Variants in LDLRAD3 observed in about 807,000 individuals in gnomAD.
LDLRAD3 encodes the protein low density lipoprotein receptor class A domain containing 3.
LDLRAD3 carries 20 observed loss-of-function variants against 29.4 expected under a neutral mutation model. The ratio of observed to expected loss-of-function variants is 0.68; its 90% CI spans 0.48 to 0.99. The LOEUF is 0.99. Ranked by LOEUF, LDLRAD3 falls within the 50% of genes least tolerant of loss-of-function variation. The pLI is 0.00. For missense variants in LDLRAD3, 420 were observed against 454.3 expected (o/e 0.92, Z 0.69); for synonymous variants, 157 against 192.7 (o/e 0.81, Z 1.53).
At chr11:36,048,248 T>C (rs1178096125) in intron 2 of LDLRAD3, among the ~76,000 whole-genome samples, 3 of 152,182 alleles carry the variant, frequency 2.0e-5, no homozygotes, top group Non-Finnish European at 4.4e-5. Flanking sequence ...AATTAGCACC[T>C]CCTCTTCCCT....
intron 3 of LDLRAD3, among the ~76,000 whole-genome samples, chr11:36,090,532 G>A (rs377581642): frequency 2.6e-5 from 4 of 152,136 alleles, no homozygotes; most frequent in Non-Finnish European, 5.9e-5. Flanking sequence ...CTTGTTCCCC[G>A]GAAAAGGCAG....
intron 1 of LDLRAD3, among the ~76,000 whole-genome samples, chr11:36,013,567 C>A (rs573878358): frequency 6.9e-6 from 1 of 144,858 alleles, no homozygotes; most frequent in African/African-American, 2.6e-5. Flanking sequence ...GTTTGGTTTT[C>A]TGTTCCTGTG....
At chr11:36,080,313 G>T (rs927119122) in intron 2 of LDLRAD3, among the ~76,000 whole-genome samples, 2 of 152,170 alleles carry the variant, frequency 1.3e-5, no homozygotes, top group African/African-American at 4.8e-5. Flanking sequence ...TACCCCACAG[G>T]GCTGTTTGTT....
At chr11:35,989,085 C>T (rs1851654803) in intron 1 of LDLRAD3, 2 of 152,110 alleles carry the variant, frequency 1.3e-5, no homozygotes, top group South Asian at 4.1e-4. Flanking sequence ...CATTCTTCTG[C>T]TTATAGCTAG....
intron 4 of LDLRAD3, among the ~76,000 whole-genome samples, chr11:36,132,801 A>T (rs902755692): frequency 2.6e-5 from 4 of 152,188 alleles, no homozygotes; most frequent in African/African-American, 9.7e-5. Flanking sequence ...TAACGCACTC[A>T]TAAGTAACGT....
chr11:36,120,286 T>A (rs917963172), intron 4 of LDLRAD3, among the ~76,000 whole-genome samples: 4 of 152,168 alleles, frequency 2.6e-5, no homozygotes, highest in Non-Finnish European at 5.9e-5. Flanking sequence ...AGATCTCTTC[T>A]TCACTGAGTG....
intron 4 of LDLRAD3, among the ~76,000 whole-genome samples, chr11:36,122,305 A>T (rs563523656): frequency 6.6e-6 from 1 of 152,252 alleles, no homozygotes; most frequent in African/African-American, 2.4e-5. Flanking sequence ...CAGAGTGGTC[A>T]AGGATTTGGA....
At chr11:36,188,688 T>C (rs1192985394) in intron 4 of LDLRAD3, among the ~76,000 whole-genome samples, 1 of 152,206 alleles carries the variant, frequency 6.6e-6, no homozygotes, top group African/African-American at 2.4e-5. Context: ...GCTTACTCTC[T>C]GCTGAGGGTA....
intron 1 of LDLRAD3, among the ~76,000 whole-genome samples, chr11:35,952,932 C>G (rs1422018703): frequency 6.6e-6 from 1 of 152,130 alleles, no homozygotes; most frequent in African/African-American, 2.4e-5. Context: ...CAGAAAGAAA[C>G]TAGAAATAAT....
intron 4 of LDLRAD3, among the ~76,000 whole-genome samples, chr11:36,134,151 A>G (rs1853970788): frequency 6.6e-6 from 1 of 152,124 alleles, no homozygotes; most frequent in East Asian, 1.9e-4. Context: ...TACCTCCTAC[A>G]AGGCAAAAAT....
rs1367176536 is a variant in LDLRAD3 at position 36,182,889 on chromosome 11, GT to G, written c.455-44194del. Among the ~76,000 whole-genome samples the G allele has an allele frequency of 2.6e-5, 4 of 152,308 alleles. No homozygotes were observed. In the East Asian group the frequency reaches 7.7e-4, roughly 29 times the overall value. On this transcript the variant is annotated intron_variant, in intron 4 of 5. Coordinates refer to ENST00000315571, the MANE Select transcript of LDLRAD3 (RefSeq NM_174902.4). ...TTAATAATGCAAGCTTTTGGTTTTT[GT>G]TAAACACATGCAGAGCCTGATATTA... is the stretch of plus-strand genomic sequence containing the variant.
chr11:36,089,604 A>C (rs549148812), intron 3 of LDLRAD3, among the ~76,000 whole-genome samples: 1 of 151,926 alleles, frequency 6.6e-6, no homozygotes, highest in East Asian at 1.9e-4. Flanking sequence ...ATTTTTGCCC[A>C]ATACATATGT....
chr11:36,068,737 C>G (rs12799443), intron 2 of LDLRAD3, among the ~76,000 whole-genome samples: 1 of 151,964 alleles, frequency 6.6e-6, no homozygotes, highest in Admixed American at 6.6e-5. Flanking sequence ...AGGATGGTCT[C>G]GATCTCCTGA....
intron 3 of LDLRAD3, among the ~76,000 whole-genome samples, chr11:36,096,285 C>T (rs1329746756): frequency 6.6e-6 from 1 of 152,224 alleles, no homozygotes; most frequent in African/African-American, 2.4e-5. Context: ...TCTGTGTGTT[C>T]ACAACACCTC....
intron 4 of LDLRAD3, among the ~76,000 whole-genome samples, chr11:36,210,649 C>T (rs1855272234): frequency 6.6e-6 from 1 of 152,086 alleles, no homozygotes; most frequent in Non-Finnish European, 1.5e-5. Flanking sequence ...AATGCTCCAC[C>T]AAGACTTCAT....
At chr11:36,180,129 G>T (rs1011972218) in intron 4 of LDLRAD3, among the ~76,000 whole-genome samples, 3 of 152,254 alleles carry the variant, frequency 2.0e-5, no homozygotes, top group South Asian at 4.2e-4. Flanking sequence ...GTTCCAGGGG[G>T]TTCCTACCTG....
Position 36,229,153 on chromosome 11 carries a change from A to G in LDLRAD3, c.801-7A>G. On this transcript the variant is annotated splice_polypyrimidine_tract_variant and splice_region_variant and intron_variant, in intron 5 of 5. Coordinates refer to ENST00000315571, the MANE Select transcript of LDLRAD3 (RefSeq NM_174902.4). ...TTGCCCCTGCCCCCCTGCTGTCCCC[A>G]TCACAGGCCTGCGTGGTATGACCTT... 6.2e-7 allele frequency: 1 copy of G among 1,607,588 alleles called. No homozygotes were observed. The highest frequency in any genetic ancestry group is 1.1e-5 in the South Asian group (1 of 90,886).
chr11:35,953,361 A>G (rs992031194), intron 1 of LDLRAD3, among the ~76,000 whole-genome samples: 33 of 152,242 alleles, frequency 2.2e-4, no homozygotes, highest in African/African-American at 7.5e-4. Context: ...GAAGACTTGC[A>G]TACCCAAGGT....
At chr11:36,178,135 G>T (rs536458087) in intron 4 of LDLRAD3, among the ~76,000 whole-genome samples, 1 of 152,196 alleles carries the variant, frequency 6.6e-6, no homozygotes, top group Admixed American at 6.5e-5. Flanking sequence ...AGTTAGTCCT[G>T]CCTCCTCACC....
Sources: gnomAD v4.1 joint callset for allele counts (sites outside exome capture counted in the v4.1 genomes callset) on GRCh38, gnomAD v4.1.1 for gene constraint, MANE v1.5 for transcripts, NCBI Gene and HGNC (gene_info 2026-07-23, HGNC 2026-07-21) for gene names.